Variants in AGFG1 observed in about 807,000 individuals in gnomAD.
AGFG1 encodes the protein arf-GAP domain and FG repeat-containing protein 1.
A neutral mutation model predicts 60.6 loss-of-function variants in AGFG1; 10 were observed. The observed-to-expected ratio is 0.16, with a 90% CI of 0.10 to 0.28. AGFG1 has a LOEUF of 0.28. Ranked by LOEUF, AGFG1 falls within the 10% of genes least tolerant of loss-of-function variation. The probability of loss-of-function intolerance (pLI) is 1.00; values close to 1 mark genes in which losing one functional copy is unlikely to be tolerated. For synonymous variants in AGFG1, 247 were observed against 242.9 expected (o/e 1.02, Z -0.16); for missense variants, 537 against 676.5 (o/e 0.79, Z 2.29).
chr2:227,473,718 A>G (rs557747992), intron 1 of AGFG1, among the ~76,000 whole-genome samples: 2 of 152,372 alleles, frequency 1.3e-5, no homozygotes, highest in South Asian at 4.1e-4. Flanking sequence ...TAAGATTAAT[A>G]CAAAGCACAT....
chr2:227,548,492 C>G (rs1038065539), intron 10 of AGFG1, among the ~76,000 whole-genome samples: 1 of 152,102 alleles, frequency 6.6e-6, no homozygotes, highest in African/African-American at 2.4e-5. Flanking sequence ...TTTGCCAGTG[C>G]GTTTTGTGAA....
intron 6 of AGFG1, among the ~76,000 whole-genome samples, 164 bp from the exon 7 acceptor site, chr2:227,533,385 A>G (rs1279016368): frequency 6.6e-6 from 1 of 152,192 alleles, no homozygotes; most frequent in African/African-American, 2.4e-5. Flanking sequence ...CTTTTACAAA[A>G]TTGGAAAACG....
At chr2:227,509,044 A>G (rs1405200285) in intron 2 of AGFG1, among the ~76,000 whole-genome samples, 2 of 152,188 alleles carry the variant, frequency 1.3e-5, no homozygotes, top group East Asian at 1.9e-4. Flanking sequence ...GAAGCCATAA[A>G]CATGTAGAAA....
intron 1 of AGFG1, among the ~76,000 whole-genome samples, chr2:227,473,795 A>C (rs1234056208): frequency 6.6e-6 from 1 of 152,106 alleles, no homozygotes; most frequent in East Asian, 1.9e-4. Flanking sequence ...AGTATGTACT[A>C]TTTGCTTTTT....
At chr2:227,510,366 G>A (rs79584374) in intron 2 of AGFG1, among the ~76,000 whole-genome samples, 2 of 152,146 alleles carry the variant, frequency 1.3e-5, no homozygotes, top group South Asian at 2.1e-4. Context: ...TTGAATTAAG[G>A]TTCACAGAGG....
intron 12 of AGFG1, 132 bp from the exon 13 acceptor site, chr2:227,554,304 T>C: frequency 1.4e-6 from 1 of 724,842 alleles, no homozygotes; most frequent in East Asian, 2.8e-5. Flanking sequence ...ACAAATATTA[T>C]TGCCAATAAT....
rs908891659 is a variant in AGFG1 at position 227,557,919 on chromosome 2, T to C, written c.*3424T>C. On this transcript the variant is annotated 3_prime_UTR_variant, in exon 13 of 13. Transcript: ENST00000310078. ...TTCAAAGAAAGGGTTGTAGGGACCA[T>C]TAAGGGTCTCCAGACTCTTTGAGAA... is the stretch of plus-strand genomic sequence containing the variant. 2.6e-5 allele frequency: 4 copies of C among 152,228 alleles called. No individual in the cohort carries two copies. The highest frequency in any genetic ancestry group is 6.5e-5 in the Admixed American group (1 of 15,274). 9.4% of individuals were successfully genotyped at this position (152,228 alleles called of 1,614,324 possible).
chr2:227,531,007 A>C (rs569710903), intron 5 of AGFG1, 84 bp from the exon 6 acceptor site: 1 of 1,249,536 alleles, frequency 8.0e-7, no homozygotes, highest in African/African-American at 1.5e-5. Flanking sequence ...GAAACTTTTC[A>C]TATAATTCTT....
At chr2:227,529,881 ATT>A (rs533961886) in intron 5 of AGFG1, among the ~76,000 whole-genome samples, 3 of 146,086 alleles carry the variant, frequency 2.1e-5, no homozygotes, top group African/African-American at 7.5e-5. Context: ...AGATATATTG[ATT>A]TTTTTTTTTT....
chr2:227,528,294 G>A (rs1237586607), intron 5 of AGFG1, among the ~76,000 whole-genome samples: 2 of 152,108 alleles, frequency 1.3e-5, no homozygotes, highest in Non-Finnish European at 2.9e-5. Flanking sequence ...TTCAGGAAAG[G>A]TTGTACTGAG....
intron 2 of AGFG1, among the ~76,000 whole-genome samples, chr2:227,499,625 GTGAGACTC>G (rs1355956899): frequency 6.7e-6 from 1 of 149,920 alleles, no homozygotes; most frequent in African/African-American, 2.5e-5. Context: ...GGGTGACAGA[GTGAGACTC>G]TGTCTCAAAA....
intron 2 of AGFG1, among the ~76,000 whole-genome samples, chr2:227,512,658 T>A (rs1330461446): frequency 6.6e-6 from 1 of 152,210 alleles, no homozygotes; most frequent in African/African-American, 2.4e-5. Flanking sequence ...CTTCTAATGG[T>A]ATTTACTGTT....
chr2:227,473,101 G>C (rs1315081794), intron 1 of AGFG1, among the ~76,000 whole-genome samples: 1 of 150,566 alleles, frequency 6.6e-6, no homozygotes, highest in East Asian at 2.0e-4. Context: ...AGAAGCTGGG[G>C]TGGGAGGGAG....
rs1020753337 is a variant in AGFG1, at chr2:227,495,248, TA to T, written c.261+3617del. 5.3e-4 allele frequency among the ~76,000 whole-genome samples: 81 copies of T among 151,574 alleles called. 1 individual carries two copies. The South Asian group carries it at 0.016, about 30-fold the overall frequency. On this transcript the variant is annotated intron_variant, in intron 2 of 12. Coordinates refer to ENST00000310078, the MANE Select transcript of AGFG1 (RefSeq NM_004504.5). ...TTTCTTTTGTATCATACAGTTACTT[TA>T]AAAAAAAACCTGTAGTGATCTTGGC...
chr2:227,481,390 A>C (rs900662217), intron 1 of AGFG1, among the ~76,000 whole-genome samples: 18 of 151,944 alleles, frequency 1.2e-4, no homozygotes, highest in African/African-American at 4.1e-4. Context: ...GGCTGGTGGG[A>C]GTATGCTTTT....
At chr2:227,491,091 A>C (rs766474241) in intron 1 of AGFG1, among the ~76,000 whole-genome samples, 3 of 152,164 alleles carry the variant, frequency 2.0e-5, no homozygotes, top group Non-Finnish European at 4.4e-5. Context: ...AGTTTTCTAA[A>C]TTAGTCTTAA....
chr2:227,482,498 A>C (rs73081463), intron 1 of AGFG1, among the ~76,000 whole-genome samples: 1 of 152,206 alleles, frequency 6.6e-6, no homozygotes, highest in Admixed American at 6.5e-5. Flanking sequence ...GTATAATTTT[A>C]TGCTATGAAA....
intron 5 of AGFG1, among the ~76,000 whole-genome samples, chr2:227,527,377 A>G (rs762822549): frequency 5.3e-5 from 8 of 152,196 alleles, no homozygotes; most frequent in Non-Finnish European, 1.2e-4. Flanking sequence ...ACACATATAC[A>G]CTTATGTATG....
chr2:227,519,863 T>G, intron 2 of AGFG1, 85 bp from the exon 3 acceptor site: 1 of 715,508 alleles, frequency 1.4e-6, no homozygotes, highest in South Asian at 1.8e-5. Context: ...TAGATTAGCT[T>G]CCTGAAAGAA....
Sources: gnomAD v4.1 joint callset for allele counts (sites outside exome capture counted in the v4.1 genomes callset) on GRCh38, gnomAD v4.1.1 for gene constraint, MANE v1.5 for transcripts, NCBI Gene and HGNC (gene_info 2026-07-23, HGNC 2026-07-21) for gene names.